GRM7: variants seen among roughly 807,000 people sequenced by gnomAD.
GRM7 encodes the protein glutamate metabotropic receptor 7, also known as metabotropic glutamate receptor 7.
A neutral mutation model predicts 84.5 loss-of-function variants in GRM7; 35 were observed. The observed-to-expected ratio is 0.41, with a 90% CI of 0.32 to 0.55. GRM7 has a LOEUF of 0.55. Ranked by LOEUF, GRM7 falls within the 20% of genes least tolerant of loss-of-function variation. The pLI is 0.19. For synonymous variants in GRM7, 487 were observed against 455.1 expected, an observed-to-expected ratio of 1.07 and a Z score of -0.89; for missense variants, 1,003 against 1,194.6, an observed-to-expected ratio of 0.84 and a Z score of 2.36.
chr3:7,656,634 G>A (rs555091109), intron 8 of GRM7, among the ~76,000 whole-genome samples: 1 of 151,928 alleles, frequency 6.6e-6, no homozygotes, highest in African/African-American at 2.4e-5. Context: ...CCCAGGGGTA[G>A]GGAGGTTAAA....
intron 1 of GRM7, among the ~76,000 whole-genome samples, chr3:6,950,325 A>T (rs1278073747): frequency 6.6e-6 from 1 of 152,208 alleles, no homozygotes; most frequent in African/African-American, 2.4e-5. Flanking sequence ...GGTCCACTCC[A>T]GACCCTGTTT....
At chr3:7,503,390 G>GCA (rs145058096) in intron 7 of GRM7, among the ~76,000 whole-genome samples, 13,059 of 150,868 alleles carry the variant, frequency 0.087, 715 homozygotes, top group South Asian at 0.12. Context: ...GCACGCACAT[G>GCA]CACACACACA....
In GRM7 at chr3:6,868,662, A is replaced by C. The variant is rs1354347344; in HGVS notation, c.519+6755A>C. 2.0e-5 allele frequency among the ~76,000 whole-genome samples: 3 copies of C among 152,166 alleles called. No homozygotes were observed. The East Asian group carries it at 5.8e-4, about 29-fold the overall frequency. Reference sequence around the variant, plus strand: ...CACTCCACCCTTTCTACAAACCTCAAGTAGGGAAATCCATCATTCAGATAT... The same window carrying C: ...CACTCCACCCTTTCTACAAACCTCACGTAGGGAAATCCATCATTCAGATAT... On this transcript the variant is annotated intron_variant, in intron 1 of 9. Transcript: ENST00000357716.
intron 1 of GRM7, among the ~76,000 whole-genome samples, chr3:6,965,151 G>C (rs996339452): frequency 2.0e-5 from 3 of 152,034 alleles, no homozygotes; most frequent in East Asian, 3.9e-4. Context: ...AGGTGGGAGA[G>C]AGCCTGCCAC....
intron 2 of GRM7, among the ~76,000 whole-genome samples, chr3:7,281,598 AT>A (rs56705200): frequency 6.6e-6 from 1 of 151,894 alleles, no homozygotes; most frequent in African/African-American, 2.4e-5. Context: ...AAGAAAGCAG[AT>A]TTTTTTTTAA....
chr3:7,090,653 A>G (rs903956428), intron 1 of GRM7, among the ~76,000 whole-genome samples: 2 of 151,618 alleles, frequency 1.3e-5, no homozygotes, highest in Admixed American at 6.6e-5. Context: ...TCCTGGCCAA[A>G]GAAAAAGAAT....
chr3:7,657,244 GTTA>G (rs1158605389), intron 8 of GRM7, among the ~76,000 whole-genome samples: 1 of 152,118 alleles, frequency 6.6e-6, no homozygotes, highest in Admixed American at 6.5e-5. Context: ...AGAAAAAAAT[GTTA>G]AGTAGAAACA....
At chr3:7,324,574 G>A (rs1700912401) in intron 4 of GRM7, among the ~76,000 whole-genome samples, 1 of 152,144 alleles carries the variant, frequency 6.6e-6, no homozygotes, top group Admixed American at 6.6e-5. Flanking sequence ...CCCCTCAAGT[G>A]ACCTAGTTCG....
intron 1 of GRM7, among the ~76,000 whole-genome samples, chr3:7,056,927 G>C (rs1465737869): frequency 6.6e-6 from 1 of 151,830 alleles, no homozygotes; most frequent in Non-Finnish European, 1.5e-5. Context: ...TAATTTTAAA[G>C]ATTTTAAAAA....
intron 7 of GRM7, among the ~76,000 whole-genome samples, chr3:7,467,386 G>A (rs143236050): frequency 1.3e-3 from 194 of 152,098 alleles, no homozygotes; most frequent in Non-Finnish European, 2.4e-3. Flanking sequence ...CACGCCGGGC[G>A]CCAAGTTTTC....
At chr3:7,338,556 G>T (rs112182889) in intron 4 of GRM7, among the ~76,000 whole-genome samples, 69 of 152,186 alleles carry the variant, frequency 4.5e-4, no homozygotes, top group Non-Finnish European at 8.4e-4. Context: ...CCTCTTACAT[G>T]AATCGTTAAG....
At chr3:7,339,763 G>A (rs148311615) in intron 4 of GRM7, among the ~76,000 whole-genome samples, 223 of 152,272 alleles carry the variant, frequency 1.5e-3, no homozygotes, top group African/African-American at 4.9e-3. Flanking sequence ...CTCTCTGGGT[G>A]TTTGGAGGAA....
intron 9 of GRM7, among the ~76,000 whole-genome samples, chr3:7,718,975 T>C (rs1378958926): frequency 1.3e-5 from 2 of 152,198 alleles, no homozygotes; most frequent in African/African-American, 4.8e-5. Context: ...CACTAGAACC[T>C]GGTATGATTC....
At chr3:7,645,352 T>C (rs7615768) in intron 8 of GRM7, among the ~76,000 whole-genome samples, 22 of 151,380 alleles carry the variant, frequency 1.5e-4, no homozygotes, top group Non-Finnish European at 2.4e-4. Flanking sequence ...ATTGAGACCA[T>C]CCTGGCCAAC....
intron 2 of GRM7, among the ~76,000 whole-genome samples, chr3:7,248,257 G>A (rs1482326665): frequency 6.6e-6 from 1 of 152,096 alleles, no homozygotes; most frequent in Non-Finnish European, 1.5e-5. Flanking sequence ...ATTGTGCTGT[G>A]TTCATACAAG....
At chr3:7,420,210 C>G (rs1413852552) in intron 5 of GRM7, among the ~76,000 whole-genome samples, 1 of 152,106 alleles carries the variant, frequency 6.6e-6, no homozygotes, top group Non-Finnish European at 1.5e-5. Flanking sequence ...ACTGTCAAGA[C>G]AAAGGAATTA....
rs116564608 is a variant in GRM7, at chr3:7,357,964, C to T, written c.1033+51312C>T. Among the ~76,000 whole-genome samples, 936 of 152,194 alleles carry T rather than the reference C, an allele frequency of 6.2e-3. 6 individuals carry two copies. Among genetic ancestry groups the T allele is most frequent in the African/African-American group, 0.021 (882 of 41,546 alleles). On this transcript the variant is annotated intron_variant, in intron 4 of 9. Transcript: ENST00000357716. ...CATGAGCTTAACTCATGTCAGTTAC[C>T]TGCCTGGTCCCTGCAGGCATGTGAC...
At chr3:7,631,578 T>C (rs1281175440) in intron 8 of GRM7, among the ~76,000 whole-genome samples, 1 of 152,178 alleles carries the variant, frequency 6.6e-6, no homozygotes, top group Non-Finnish European at 1.5e-5. Context: ...TTAAGTATAA[T>C]GGGGGAAGTG....
At chr3:6,914,773 C>A (rs918643552) in intron 1 of GRM7, among the ~76,000 whole-genome samples, 66 of 151,976 alleles carry the variant, frequency 4.3e-4, no homozygotes, top group African/African-American at 1.6e-3. Flanking sequence ...CAATTTTTTT[C>A]AGTTTTCTAG....
Sources: gnomAD v4.1 joint callset for allele counts (sites outside exome capture counted in the v4.1 genomes callset) on GRCh38, gnomAD v4.1.1 for gene constraint, MANE v1.5 for transcripts, NCBI Gene and HGNC (gene_info 2026-07-23, HGNC 2026-07-21) for gene names.